TTC21B: variants seen among roughly 807,000 people sequenced by gnomAD.
TTC21B encodes tetratricopeptide repeat protein 21B.
TTC21B carries 127 observed loss-of-function variants against 175.1 expected under a neutral mutation model. That is an observed-to-expected ratio of 0.73 (90% confidence interval 0.63 to 0.84). TTC21B has a LOEUF of 0.84. Ranked by LOEUF, TTC21B falls within the 40% of genes least tolerant of loss-of-function variation. The pLI is 0.00. For synonymous variants in TTC21B, 524 were observed against 524.5 expected, an observed-to-expected ratio of 1.00 and a Z score of 0.01; for missense variants, 1,561 against 1,558.3, an observed-to-expected ratio of 1.00 and a Z score of -0.03.
chr2:165,905,615 G>A (rs1454538805), intron 19 of TTC21B, among the ~76,000 whole-genome samples: 2 of 151,936 alleles, frequency 1.3e-5, no homozygotes, highest in Non-Finnish European at 2.9e-5. Flanking sequence ...TCTAAATCTG[G>A]ATCATTCAAT....
chr2:165,875,712 C>T (rs1191626891), intron 28 of TTC21B, among the ~76,000 whole-genome samples: 1 of 152,096 alleles, frequency 6.6e-6, no homozygotes. Flanking sequence ...TTCACAAGAA[C>T]TTCTAATCAG....
chr2:165,921,965 C>A (rs2105332750), intron 12 of TTC21B, among the ~76,000 whole-genome samples: 1 of 152,004 alleles, frequency 6.6e-6, no homozygotes, highest in Admixed American at 6.6e-5. Context: ...TTTTATCCCT[C>A]CCTCACTCTC....
At chr2:165,890,757 T>C in intron 23 of TTC21B, 81 bp downstream of exon 23, 1 of 1,547,844 alleles carries the variant, frequency 6.5e-7, no homozygotes, top group Non-Finnish European at 8.8e-7. Flanking sequence ...ACATTTTTTT[T>C]TACTACAAAG....
Position 165,929,163 on chromosome 2 carries a change from A to T in TTC21B, c.1358T>A (p.Met453Lys), listed in dbSNP as rs373845234. The part of the protein sequence containing the change: ...LNPDFLLEIV[M>K]EYLSFCPMQP... ...CATTGGACAGAAGCTCAGATACTCC[A>T]TAACAATTTCTAACAAGAAATCAGG... is the stretch of plus-strand genomic sequence containing the variant. Residue 453 changes from methionine (M) to lysine (K), a missense_variant, in exon 11 of 29, where the codon ATG becomes AAG. Physicochemically the swap from Met to Lys is moderately conservative, Grantham distance 95. Coordinates refer to ENST00000243344, the MANE Select transcript of TTC21B (RefSeq NM_024753.5). 2.4e-5 allele frequency: 39 copies of T among 1,612,776 alleles called. No homozygotes were observed. The highest frequency in any genetic ancestry group is 3.1e-5 in the Non-Finnish European group (36 of 1,179,214).
intron 28 of TTC21B, among the ~76,000 whole-genome samples, chr2:165,875,759 T>G (rs1312166035): frequency 1.3e-5 from 2 of 151,932 alleles, no homozygotes; most frequent in Non-Finnish European, 2.9e-5. Context: ...TCTTCAAATA[T>G]CTTCTAACTT....
rs1193902462 is a variant in TTC21B, at chr2:165,883,998, G to A, written c.3480C>T (p.Leu1160=). The A allele has an allele frequency of 6.2e-7, 1 of 1,614,014 alleles. No homozygotes were observed. Among genetic ancestry groups the A allele is most frequent in the South Asian group, 1.1e-5 (1 of 91,074 alleles). The change falls in exon 26 of 29, where the codon CTC becomes CTT. Residue 1160 remains leucine (L), a synonymous_variant. Transcript: ENST00000243344. ...AASEKEHIPA[L]LGMATAYMIL... ...TCATATAAGCCGTTGCCATTCCCAA[G>A]AGCGCTGGGATATGCTCCTTCTATA...
chr2:165,899,630 G>A (rs535605742), intron 21 of TTC21B, 140 bp downstream of exon 21: 14 of 701,888 alleles, frequency 2.0e-5, no homozygotes, highest in Admixed American at 1.7e-4. Context: ...TTGGTAAAAT[G>A]TAGTAATGTT....
rs114709446 is a variant in TTC21B, at chr2:165,924,067, T to C, written c.1516+482A>G. Reference sequence around the variant, plus strand: ...CGCACCCAGCCATGATGGTCTATTTTTATGTGTAAAGTCAGGCATTTGTCT... The same window carrying C: ...CGCACCCAGCCATGATGGTCTATTTCTATGTGTAAAGTCAGGCATTTGTCT... On this transcript the variant is annotated intron_variant, in intron 12 of 28. Coordinates refer to ENST00000243344, the MANE Select transcript of TTC21B (RefSeq NM_024753.5). Among the ~76,000 whole-genome samples the C allele has an allele frequency of 6.2e-3, 946 of 152,234 alleles. 9 individuals are homozygous for C. The highest frequency in any genetic ancestry group is 0.022 in the African/African-American group (908 of 41,534).
At chr2:165,934,460 C>CCATTGCACTCCA (rs2105350484) in intron 6 of TTC21B, among the ~76,000 whole-genome samples, 1 of 137,616 alleles carries the variant, frequency 7.3e-6, no homozygotes, top group East Asian at 2.3e-4. Context: ...CAAGATCGCG[C>CCATTGCACTCCA]CATTGCACTC....
Position 165,943,281 on chromosome 2 carries a change from C to A in TTC21B, c.490G>T (p.Ala164Ser). Residue 164 changes from alanine (A) to serine (S), a missense_variant, in exon 5 of 29, where the codon GCA (alanine) becomes TCA (serine). By Grantham distance (99) the Ala-to-Ser change is moderately conservative. Transcript: ENST00000243344. ...AGTCCCTCTTCAAAATACTTCAGTG[C>A]TTTTTTAGTGTAAGGCTCTTTTCCT... ...TRGKEPYTKK[A>S]LKYFEEGLQD... is the part of the protein sequence containing the mutation. 1.2e-6 allele frequency: 2 copies of A among 1,612,670 alleles called. No individual in the cohort carries two copies. Among genetic ancestry groups the A allele is most frequent in the Middle Eastern group, 1.7e-4 (1 of 6,054 alleles).
intron 15 of TTC21B, among the ~76,000 whole-genome samples, chr2:165,913,964 G>A (rs1177538129): frequency 2.6e-5 from 4 of 152,072 alleles, no homozygotes; most frequent in African/African-American, 9.7e-5. Context: ...AATGATGTGG[G>A]AGTGAAGGTA....
chr2:165,892,041 C>A (rs1422811442), intron 22 of TTC21B, among the ~76,000 whole-genome samples: 3 of 151,944 alleles, frequency 2.0e-5, no homozygotes, highest in African/African-American at 7.3e-5. Flanking sequence ...TAACATTTCC[C>A]AACTGTCATT....
Position 165,874,654 on chromosome 2 carries a change from TA to T in TTC21B, c.*100del. The T allele has an allele frequency of 9.5e-7, 1 of 1,047,684 alleles. No homozygotes were observed. The highest frequency in any genetic ancestry group is 1.6e-5 in the African/African-American group (1 of 63,490). 64.9% of individuals were successfully genotyped at this position (1,047,684 alleles called of 1,614,324 possible). On this transcript the variant is annotated 3_prime_UTR_variant, in exon 29 of 29. Coordinates refer to ENST00000243344, the MANE Select transcript of TTC21B (RefSeq NM_024753.5). ...TGCTGGAGAAAAAAGGGTATACTTC[TA>T]ATAACAAAGCACTGAGCTCAAACCT...
chr2:165,922,757 C>A (rs1686464390), intron 12 of TTC21B, among the ~76,000 whole-genome samples: 1 of 151,984 alleles, frequency 6.6e-6, no homozygotes, highest in South Asian at 2.1e-4. Flanking sequence ...GAAAAGAAAT[C>A]ATTATATCAA....
chr2:165,894,314 A>C (rs957929322), intron 22 of TTC21B, among the ~76,000 whole-genome samples: 3 of 152,196 alleles, frequency 2.0e-5, no homozygotes, highest in African/African-American at 4.8e-5. Context: ...GGAATTTTTC[A>C]ACTACTTAAA....
Position 165,915,361 on chromosome 2 carries a change from T to A in TTC21B, c.1978A>T (p.Asn660Tyr). 6.2e-7 allele frequency: 1 copy of A among 1,614,150 alleles called. No homozygotes were observed. Among genetic ancestry groups the A allele is most frequent in the Non-Finnish European group, 8.5e-7 (1 of 1,179,984 alleles). ...CCTTGGGCTAGAGCAAGGTCTGCAT[T>A]AGCAATGGTAACCCGCACTTCTTCA... ...TSEEVRVTIA[N>Y]ADLALAQGDI... The change falls in exon 15 of 29, where the codon AAT becomes TAT. Residue 660 changes from asparagine (N) to tyrosine (Y), a missense_variant. Coordinates refer to ENST00000243344, the MANE Select transcript of TTC21B (RefSeq NM_024753.5).
chr2:165,947,630 C>T (rs966388117), intron 3 of TTC21B: 17 of 152,160 alleles, frequency 1.1e-4, no homozygotes, highest in African/African-American at 4.1e-4. Flanking sequence ...ATTTCCATCA[C>T]GTCCCTAATG....
Position 165,927,293 on chromosome 2 carries a change from G to T in TTC21B, c.1386+1842C>A, listed in dbSNP as rs1686701342. ...AGTTATATATATATATATCCTAGTA[G>T]TTATATATATATATTATATATTATA... On this transcript the variant is annotated intron_variant, in intron 11 of 28. Coordinates refer to ENST00000243344, the MANE Select transcript of TTC21B (RefSeq NM_024753.5). Among the ~76,000 whole-genome samples, 6 of 57,284 alleles carry T rather than the reference G, an allele frequency of 1.0e-4. No individual in the cohort carries two copies. In the East Asian group the frequency reaches 1.5e-3, roughly 15 times the overall value. The allele number at this position is 57,284 out of a possible 152,430, so 37.6% of individuals were successfully genotyped here.
rs376038966 is a variant in TTC21B at position 165,941,056 on chromosome 2, A to G, written c.681T>C (p.Asp227=). The change falls in exon 6 of 29, where the codon GAT becomes GAC. Residue 227 remains aspartate, a synonymous_variant. Coordinates refer to ENST00000243344, the MANE Select transcript of TTC21B (RefSeq NM_024753.5). ...KKMKLQLALQ[D]WDQTVETAQR... is the part of the protein sequence containing the mutation. ...GTGCTGTCTCAACTGTCTGGTCCCA[A>G]TCCTGCAAGGCTAGTTGTAATTTCA... 28 of 1,613,822 alleles carry G rather than the reference A, an allele frequency of 1.7e-5. No homozygotes were observed. Among genetic ancestry groups the G allele is most frequent in the Non-Finnish European group, 1.9e-5 (23 of 1,179,850 alleles).
Sources: gnomAD v4.1 joint callset for allele counts (sites outside exome capture counted in the v4.1 genomes callset) on GRCh38, gnomAD v4.1.1 for gene constraint, MANE v1.5 for transcripts, NCBI Gene and HGNC (gene_info 2026-07-23, HGNC 2026-07-21) for gene names.